Variants in PACRG observed in about 807,000 individuals in gnomAD.
PACRG encodes parkin coregulated gene protein.
PACRG carries 29 observed loss-of-function variants against 29.7 expected under a neutral mutation model. That is an observed-to-expected ratio of 0.98 (90% CI 0.73 to 1.33). The LOEUF (loss-of-function observed/expected upper bound fraction) is 1.33, where lower values mean the gene tolerates loss of function less well. Among genes scored for constraint, PACRG ranks in the 40% most tolerant of loss-of-function variants. The probability of loss-of-function intolerance (pLI) is 0.00; values close to 1 mark genes in which losing one functional copy is unlikely to be tolerated. For missense variants in PACRG, 279 were observed against 316.2 expected, an observed-to-expected ratio of 0.88 and a Z score of 0.89; for synonymous variants, 116 against 118.7, an observed-to-expected ratio of 0.98 and a Z score of 0.15.
intron 2 of PACRG, among the ~76,000 whole-genome samples, chr6:163,033,965 A>G (rs1807915431): frequency 6.6e-6 from 1 of 152,218 alleles, no homozygotes; most frequent in South Asian, 2.1e-4. Context: ...AAAGCACACC[A>G]GATTGGCTAC....
chr6:162,727,312 C>CGAAGGTGAGGGGCGGCGGCGGGGA (rs1779289037), upstream of PACRG: 4 of 360,596 alleles, frequency 1.1e-5, no homozygotes, highest in African/African-American at 6.6e-5. Flanking sequence ...GGCGGCGGGG[C>CGAAGGTGAGGGGCGGCGGCGGGGA]GAAGGTGAGG....
intron 2 of PACRG, among the ~76,000 whole-genome samples, chr6:162,939,293 T>C (rs1773424196): frequency 6.6e-6 from 1 of 152,200 alleles, no homozygotes; most frequent in Admixed American, 6.5e-5. Flanking sequence ...CCTGAAACTA[T>C]AAAAAACCTA....
chr6:162,913,579 T>A (rs1230204838), intron 2 of PACRG, among the ~76,000 whole-genome samples: 3 of 152,198 alleles, frequency 2.0e-5, no homozygotes, highest in Non-Finnish European at 4.4e-5. Context: ...TACTTAGGAG[T>A]ATAACGGCTG....
chr6:162,836,681 T>C (rs942172725), intron 2 of PACRG, among the ~76,000 whole-genome samples: 4 of 152,160 alleles, frequency 2.6e-5, no homozygotes, highest in Admixed American at 2.0e-4. Context: ...CTTGCTCTTT[T>C]AGTCACATCC....
intron 2 of PACRG, among the ~76,000 whole-genome samples, chr6:163,008,941 A>G (rs1249590414): frequency 6.6e-6 from 1 of 152,126 alleles, no homozygotes; most frequent in Non-Finnish European, 1.5e-5. Flanking sequence ...AGCTAAGCAC[A>G]TTACCTGAGC....
At chr6:163,099,082 C>G (rs1403219647) in intron 4 of PACRG, among the ~76,000 whole-genome samples, 1 of 152,162 alleles carries the variant, frequency 6.6e-6, no homozygotes, top group African/African-American at 2.4e-5. Flanking sequence ...GGGATGCAGC[C>G]CAGTGGGTCC....
intron 4 of PACRG, among the ~76,000 whole-genome samples, chr6:163,225,082 G>T (rs1177916271): frequency 6.6e-6 from 1 of 152,048 alleles, no homozygotes; most frequent in Admixed American, 6.6e-5. Context: ...TGGCAAACAG[G>T]TACATGAAAA....
chr6:162,743,168 A>G (rs986685223), intron 1 of PACRG, among the ~76,000 whole-genome samples: 3 of 152,112 alleles, frequency 2.0e-5, no homozygotes, highest in Non-Finnish European at 4.4e-5. Context: ...TGAATGTCTT[A>G]TTTTGACAAA....
At chr6:162,912,923 A>AAAC (rs1491141116) in intron 2 of PACRG, among the ~76,000 whole-genome samples, 34 of 132,222 alleles carry the variant, frequency 2.6e-4, no homozygotes, top group African/African-American at 5.1e-4. Flanking sequence ...ACAAACAAAC[A>AAAC]AAAAAAAAAA....
intron 2 of PACRG, among the ~76,000 whole-genome samples, chr6:162,839,207 C>T (rs1419842084): frequency 2.9e-5 from 3 of 102,932 alleles, no homozygotes; most frequent in Non-Finnish European, 5.4e-5. Context: ...ACAATCCCAC[C>T]AACAGTGTAA....
At chr6:162,943,169 C>G (rs747751091) in intron 2 of PACRG, among the ~76,000 whole-genome samples, 1 of 152,170 alleles carries the variant, frequency 6.6e-6, no homozygotes, top group Non-Finnish European at 1.5e-5. Flanking sequence ...ATGCTGGCTC[C>G]CACACACACC....
At chr6:163,014,225 A>C (rs1805875108) in intron 2 of PACRG, among the ~76,000 whole-genome samples, 1 of 152,170 alleles carries the variant, frequency 6.6e-6, no homozygotes, top group Admixed American at 6.5e-5. Flanking sequence ...TATGGTGTAT[A>C]TGTACCACAT....
intron 4 of PACRG, among the ~76,000 whole-genome samples, chr6:163,129,584 A>G (rs1429735137): frequency 1.3e-5 from 2 of 152,096 alleles, no homozygotes; most frequent in Non-Finnish European, 2.9e-5. Context: ...GTGACACAGT[A>G]CTCTGTGTCC....
intron 3 of PACRG, among the ~76,000 whole-genome samples, chr6:163,064,439 G>A (rs1453033340): frequency 6.6e-6 from 1 of 152,210 alleles, no homozygotes; most frequent in Non-Finnish European, 1.5e-5. Flanking sequence ...TGAATTTGAT[G>A]ATTTAGGGTT....
intron 2 of PACRG, among the ~76,000 whole-genome samples, chr6:162,889,531 T>C (rs1415599816): frequency 6.6e-6 from 1 of 152,236 alleles, no homozygotes; most frequent in Non-Finnish European, 1.5e-5. Flanking sequence ...TAAATCAGCC[T>C]TGTCAGAACA....
At chr6:162,897,182 CCCCAAAAA>C (rs1367056379) in intron 2 of PACRG, among the ~76,000 whole-genome samples, 1 of 152,090 alleles carries the variant, frequency 6.6e-6, no homozygotes, top group Non-Finnish European at 1.5e-5. Context: ...ATTTGGAATT[CCCCAAAAA>C]ATGTGCATGA....
At chr6:163,065,292 T>C (rs926547309) in intron 3 of PACRG, among the ~76,000 whole-genome samples, 1 of 152,004 alleles carries the variant, frequency 6.6e-6, no homozygotes, top group African/African-American at 2.4e-5. Context: ...CAAAACCTCA[T>C]AGGGGAGGCT....
At position 162,747,354 on chromosome 6, in the gene PACRG, A is replaced by G. The variant is rs1288027307; in HGVS notation, c.156+18963A>G. ...TATATATATATATATATATATATAT[A>G]TATATATATACACATACATATATAT... On this transcript the variant is annotated intron_variant, in intron 1 of 4. Transcript: ENST00000366888. 1.3e-3 allele frequency among the ~76,000 whole-genome samples: 95 copies of G among 72,288 alleles called. 5 individuals carry two copies. The highest frequency in any genetic ancestry group is 1.8e-3 in the Non-Finnish European group (76 of 43,060). The allele number at this position is 72,288 out of a possible 152,430, so 47.4% of individuals were successfully genotyped here. A position where few individuals can be genotyped will look rare whatever the true frequency, so the allele number is the denominator to read the frequency against.
chr6:163,143,484 G>A (rs896401037), intron 4 of PACRG, among the ~76,000 whole-genome samples: 23 of 152,090 alleles, frequency 1.5e-4, no homozygotes, highest in Admixed American at 1.3e-3. Flanking sequence ...ATCAGAAGTC[G>A]GCTTGTTGCT....
Sources: allele counts gnomAD v4.1 joint callset (sites outside exome capture counted in the v4.1 genomes callset), GRCh38; gene constraint gnomAD v4.1.1; transcripts MANE v1.5; gene names NCBI Gene and HGNC (gene_info 2026-07-23, HGNC 2026-07-21).